The following ATAD3B variants were observed in gnomAD, a reference collection of about 807,000 sequenced individuals.
ATAD3B encodes the protein ATPase family AAA domain-containing protein 3B.
A neutral mutation model predicts 70.2 loss-of-function variants in ATAD3B; 59 were observed. The observed-to-expected ratio is 0.84, with a 90% CI of 0.68 to 1.04. The LOEUF (loss-of-function observed/expected upper bound fraction) is 1.04, where lower values mean the gene tolerates loss of function less well. Among genes scored for constraint, ATAD3B ranks in the 50% least tolerant of loss-of-function variants. The probability of loss-of-function intolerance (pLI) is 0.00; values close to 1 mark genes in which losing one functional copy is unlikely to be tolerated. For missense variants in ATAD3B, 961 were observed against 913.4 expected, an observed-to-expected ratio of 1.05 and a Z score of -0.67; for synonymous variants, 423 against 388.6, an observed-to-expected ratio of 1.09 and a Z score of -1.04.
downstream of ATAD3B, among the ~76,000 whole-genome samples, chr1:1,501,393 T>C (rs1416829157): frequency 1.3e-5 from 2 of 152,176 alleles, no homozygotes; most frequent in South Asian, 2.1e-4. Flanking sequence ...TAGCTGGGAC[T>C]ACAGGCGCCT....
At chr1:1,473,353 C>G (rs1324236574) in intron 1 of ATAD3B, among the ~76,000 whole-genome samples, 1 of 150,508 alleles carries the variant, frequency 6.6e-6, no homozygotes, top group African/African-American at 2.4e-5. Flanking sequence ...TGGTCTCGAT[C>G]TCCTGACCTC....
chr1:1,495,497 G>C lies in ATAD3B; in HGVS notation c.1627G>C (p.Ala543Pro), dbSNP rs1244869809. ...LAVSWQATAY[A>P]SKDGVLTEAM... Reference sequence around the variant, plus strand: ...CTCTCTTCACTAGGCCACGGCATATGCCTCCAAGGACGGGGTCCTCACTGA... The same window carrying C: ...CTCTCTTCACTAGGCCACGGCATATCCCTCCAAGGACGGGGTCCTCACTGA... The change falls in exon 16 of 16, where the codon GCC becomes CCC. Residue 543 changes from alanine (A) to proline (P), a missense_variant. Physicochemically the swap from Ala to Pro is conservative, Grantham distance 27. Coordinates refer to ENST00000673477, the MANE Select transcript of ATAD3B (RefSeq NM_031921.6). 4 of 1,607,218 alleles carry C rather than the reference G, an allele frequency of 2.5e-6. No homozygotes were observed. Among genetic ancestry groups the C allele is most frequent in the Non-Finnish European group, 3.4e-6 (4 of 1,175,248 alleles).
intron 4 of ATAD3B, among the ~76,000 whole-genome samples, 200 bp downstream of exon 4, chr1:1,479,308 A>C (rs1382828095): frequency 6.8e-6 from 1 of 147,860 alleles, no homozygotes; most frequent in Non-Finnish European, 1.5e-5. Context: ...ACACATGTAC[A>C]CGGAGACACA....
the ATAD3B span, among the ~76,000 whole-genome samples, chr1:1,507,555 G>A: frequency 6.6e-6 from 1 of 152,128 alleles, no homozygotes; most frequent in Non-Finnish European, 1.5e-5. Context: ...CTTGGTCAGG[G>A]TGTATAATTT....
chr1:1,480,801 C>T lies in ATAD3B; in HGVS notation c.445-66C>T, dbSNP rs201398241. The T allele has an allele frequency of 2.0e-4, 314 of 1,590,008 alleles. 16 individuals carry two copies. Among genetic ancestry groups the T allele is most frequent in the Non-Finnish European group, 2.6e-4 (304 of 1,169,090 alleles). On this transcript the variant is annotated intron_variant, in intron 4 of 15. Coordinates refer to ENST00000673477, the MANE Select transcript of ATAD3B (RefSeq NM_031921.6). ...TGTGGTCCTGGGGCGGACGCAACCT[C>T]TGGATTGGTGTTGAGCATTTTTCTG...
chr1:1,505,187 G>A, the ATAD3B span, among the ~76,000 whole-genome samples: 1 of 152,152 alleles, frequency 6.6e-6, no homozygotes, highest in South Asian at 2.1e-4. Flanking sequence ...CATCTCCAGT[G>A]ATAGGTAAGG....
Position 1,479,331 on chromosome 1 carries a change from CACAG to C in ATAD3B, c.444+227_444+230del, listed in dbSNP as rs535229312. On this transcript the variant is annotated intron_variant, in intron 4 of 15. Transcript: ENST00000673477. ...ACACGGAGACACAGGCACCTGCCCA[CACAG>C]ACACACACTCCTCGCACACACACTC... Among the ~76,000 whole-genome samples the C allele has an allele frequency of 1.1e-4, 16 of 147,956 alleles. 3 individuals are homozygous for C. Among genetic ancestry groups the C allele is most frequent in the South Asian group, 8.7e-4 (4 of 4,602 alleles).
rs780974870 is a variant in ATAD3B at position 1,486,555 on chromosome 1, G to A, written c.1101G>A (p.Leu367=). The change falls in exon 11 of 16, where the codon CTG becomes CTA. Residue 367 remains leucine, a synonymous_variant. Transcript: ENST00000673477. ...GKTLFAKKLA[L]HSGMDYAIMT... is the part of the protein sequence containing the mutation. ...CTCTTCTTGTCCAGAAACTCGCCCT[G>A]CACTCAGGCATGGACTACGCCATCA... 27 of 1,612,024 alleles carry A rather than the reference G, an allele frequency of 1.7e-5. No individual in the cohort carries two copies. The highest frequency in any genetic ancestry group is 1.9e-5 in the Non-Finnish European group (22 of 1,179,472).
intron 15 of ATAD3B, among the ~76,000 whole-genome samples, chr1:1,492,940 A>AC (rs1553120077): frequency 1.1e-5 from 1 of 92,590 alleles, no homozygotes; most frequent in African/African-American, 1.9e-4. Context: ...CTCCATCTCC[A>AC]AAAAAAAAAA....
chr1:1,489,787 G>A (rs1227256295), intron 13 of ATAD3B: 8 of 1,293,712 alleles, frequency 6.2e-6, no homozygotes, highest in East Asian at 1.1e-4. Flanking sequence ...GCTGCCGTTC[G>A]ACGCTCCCTG....
intron 6 of ATAD3B, 87 bp downstream of exon 6, chr1:1,482,390 G>T: frequency 6.3e-7 from 1 of 1,582,548 alleles, no homozygotes. Context: ...AGCTCTTCCA[G>T]GCCTGGCCGC....
At chr1:1,482,716 G>A (rs1639986484) in intron 7 of ATAD3B, 102 bp downstream of exon 7, 3 of 1,572,866 alleles carry the variant, frequency 1.9e-6, no homozygotes, top group Admixed American at 1.7e-5. Flanking sequence ...GCACAGCCCT[G>A]TAGCTCTCCC....
At chr1:1,472,323 G>A (rs921021030) in intron 1 of ATAD3B, among the ~76,000 whole-genome samples, 5 of 152,082 alleles carry the variant, frequency 3.3e-5, no homozygotes, top group African/African-American at 1.2e-4. Flanking sequence ...AAAGCGGTGC[G>A]GAGGTGGCGC....
chr1:1,475,749 G>A (rs1053598562), intron 1 of ATAD3B, among the ~76,000 whole-genome samples: 1 of 151,892 alleles, frequency 6.6e-6, no homozygotes, highest in Non-Finnish European at 1.5e-5. Context: ...CCCTGGCACA[G>A]GGTCACACCA....
In ATAD3B at chr1:1,480,760, A is replaced by G. The variant is rs150710180; in HGVS notation, c.445-107A>G. The G allele has an allele frequency of 5.8e-3, 9,061 of 1,550,074 alleles. 1,321 individuals are homozygous for G. In the African/African-American group the frequency reaches 0.11, roughly 19 times the overall value. On this transcript the variant is annotated intron_variant, in intron 4 of 15. Transcript: ENST00000673477. ...GGCGTCTGCAGGTCCCCAGGTGCCC[A>G]GGACGCTTGGAGTTCTGTGGTCCTG...
intron 1 of ATAD3B, among the ~76,000 whole-genome samples, chr1:1,475,482 G>T (rs545726847): frequency 6.6e-6 from 1 of 151,744 alleles, no homozygotes; most frequent in African/African-American, 2.4e-5. Context: ...CCGTTGCTTT[G>T]TCCTTGCTGC....
chr1:1,489,050 C>T, intron 12 of ATAD3B, 154 bp from the exon 13 acceptor site: 1 of 1,365,248 alleles, frequency 7.3e-7, no homozygotes, highest in Non-Finnish European at 9.9e-7. Flanking sequence ...GCTTGAGCCA[C>T]CGCCCCTGGC....
Position 1,496,215 on chromosome 1 carries a change from T to C in ATAD3B, c.*398T>C. 9.9e-7 allele frequency: 1 copy of C among 1,010,006 alleles called. No individual in the cohort carries two copies. Among genetic ancestry groups the C allele is most frequent in the Non-Finnish European group, 1.2e-6 (1 of 845,756 alleles). The allele number at this position is 1,010,006 out of a possible 1,614,324, so 62.6% of individuals were successfully genotyped here. The stretch of plus-strand genomic sequence containing the variant: ...CACAGGTGCCTCACCGCCGTGTCTC[T>C]CTATTGACTGACACTGCTCGGGGTT... On this transcript the variant is annotated 3_prime_UTR_variant, in exon 16 of 16. Transcript: ENST00000673477.
downstream of ATAD3B, among the ~76,000 whole-genome samples, chr1:1,499,081 C>T (rs1366349780): frequency 6.6e-6 from 1 of 151,672 alleles, no homozygotes; most frequent in Non-Finnish European, 1.5e-5. Context: ...ACGCCATTCT[C>T]CTGCCTCAGC....
Sources: allele counts gnomAD v4.1 joint callset (sites outside exome capture counted in the v4.1 genomes callset), GRCh38; gene constraint gnomAD v4.1.1; transcripts MANE v1.5; gene names NCBI Gene and HGNC (gene_info 2026-07-23, HGNC 2026-07-21).